SLC16A2: variants seen among roughly 807,000 people sequenced by gnomAD.
SLC16A2 encodes the protein monocarboxylate transporter 8.
Under a neutral mutation model 27.2 loss-of-function variants are expected in SLC16A2, and 3 were observed. The observed-to-expected ratio is 0.11, with a 90% confidence interval of 0.05 to 0.28. The LOEUF (loss-of-function observed/expected upper bound fraction) is 0.28. Among genes scored for constraint, SLC16A2 ranks in the 10% least tolerant of loss-of-function variants. The pLI, the probability that SLC16A2 is intolerant of heterozygous loss-of-function variation, is 1.00. For missense variants in SLC16A2, 295 were observed against 458.5 expected (o/e 0.64, Z 3.26); for synonymous variants, 202 against 187.8 (o/e 1.08, Z -0.62).
intron 1 of SLC16A2, among the ~76,000 whole-genome samples, chrX:74,456,254 G>C (rs1355046754): frequency 2.7e-5 from 3 of 111,501 alleles, no homozygotes; most frequent in Non-Finnish European, 5.7e-5. Flanking sequence ...CCTTGCGATT[G>C]GGCAGCTAGC....
chrX:74,524,267 C>T (rs183605590), intron 2 of SLC16A2, 92 bp from the exon 3 acceptor site: 91 of 943,743 alleles, frequency 9.6e-5, no homozygotes, highest in African/African-American at 5.4e-4. Flanking sequence ...GGGTTAAGGG[C>T]GGAGGAATGG....
chrX:74,426,325 C>T (rs1261390150), intron 1 of SLC16A2, among the ~76,000 whole-genome samples: 1 of 111,951 alleles, frequency 8.9e-6, no homozygotes, highest in East Asian at 2.8e-4. Flanking sequence ...TCCCCTGCCC[C>T]CTTTCCAACC....
At chrX:74,454,805 G>T (rs759805350) in intron 1 of SLC16A2, among the ~76,000 whole-genome samples, 2 of 111,165 alleles carry the variant, frequency 1.8e-5, no homozygotes, top group Non-Finnish European at 3.8e-5. Context: ...GTCTTTCATG[G>T]CCCAACTTAA....
Position 74,421,850 on chromosome X carries a change from C to T in SLC16A2, c.213C>T (p.Ser71=). Residue 71 remains serine (S), a synonymous_variant, in exon 1 of 6, where the codon TCC becomes TCT. Transcript: ENST00000587091. The stretch of plus-strand genomic sequence containing the variant: ...CCCTGCCGGAGCTGGAGTTCGAGTC[C>T]GAGCGGGTGCACGAACCCGAGCCCA... ...PAPLPELEFE[S]ERVHEPEPTP... The T allele has an allele frequency of 8.3e-7, 1 of 1,204,262 alleles. No homozygotes were observed. The highest frequency in any genetic ancestry group is 1.8e-5 in the South Asian group (1 of 55,978).
intron 1 of SLC16A2, among the ~76,000 whole-genome samples, chrX:74,468,749 GCA>G (rs2147851466): frequency 8.9e-6 from 1 of 111,846 alleles, no homozygotes; most frequent in African/African-American, 3.2e-5. Context: ...TTTGACATAA[GCA>G]TACAATCTTA....
intron 1 of SLC16A2, among the ~76,000 whole-genome samples, chrX:74,447,348 G>A (rs189074571): frequency 2.7e-5 from 3 of 111,757 alleles, no homozygotes; most frequent in Admixed American, 9.5e-5. Flanking sequence ...GTACCCAGAC[G>A]TAAGTCATAT....
chrX:74,428,182 G>A lies in SLC16A2; in HGVS notation c.430+6115G>A, dbSNP rs148647343. Among the ~76,000 whole-genome samples the A allele has an allele frequency of 1.4e-3, 151 of 111,195 alleles. 1 individual carries two copies. The East Asian group carries it at 0.025, about 18-fold the overall frequency. On this transcript the variant is annotated intron_variant, in intron 1 of 5. Coordinates refer to ENST00000587091, the MANE Select transcript of SLC16A2 (RefSeq NM_006517.5). Reference sequence around the variant, plus strand: ...CAACCCCAGCTCTCTCTGGCTTTAGGGGTGACAGAAGACTAAACCTAGAGA... The same window carrying A: ...CAACCCCAGCTCTCTCTGGCTTTAGAGGTGACAGAAGACTAAACCTAGAGA...
At chrX:74,510,089 G>C (rs763484423) in intron 1 of SLC16A2, among the ~76,000 whole-genome samples, 95 of 111,943 alleles carry the variant, frequency 8.5e-4, no homozygotes, top group Middle Eastern at 4.6e-3. Context: ...TAAATGTTTG[G>C]AATTCACAAT....
At chrX:74,436,973 A>G (rs1305000551) in intron 1 of SLC16A2, among the ~76,000 whole-genome samples, 1 of 112,359 alleles carries the variant, frequency 8.9e-6, no homozygotes, top group Non-Finnish European at 1.9e-5. Flanking sequence ...TCATCCATCT[A>G]TTGGATAATC....
intron 1 of SLC16A2, among the ~76,000 whole-genome samples, chrX:74,517,735 G>A (rs1930338071): frequency 1.8e-5 from 2 of 111,621 alleles, no homozygotes; most frequent in South Asian, 7.5e-4. Context: ...AGAGACTCAA[G>A]ATGAAACTTG....
At chrX:74,516,873 A>G (rs1305079626) in intron 1 of SLC16A2, among the ~76,000 whole-genome samples, 1 of 112,275 alleles carries the variant, frequency 8.9e-6, no homozygotes, top group African/African-American at 3.2e-5. Flanking sequence ...TATGCTGTCT[A>G]TAAGAAACTC....
chrX:74,452,154 G>C lies in SLC16A2; in HGVS notation c.430+30087G>C, dbSNP rs370572772. Among the ~76,000 whole-genome samples the C allele has an allele frequency of 3.6e-5, 4 of 112,491 alleles. No individual in the cohort carries two copies. The South Asian group carries it at 1.5e-3, about 42-fold the overall frequency. ...CAGACTGGACATGCATGGAGGCTGGGTCAGCCAGTTTCCACCACACTTCCA... is the reference window on the plus strand; with the variant it reads ...CAGACTGGACATGCATGGAGGCTGGCTCAGCCAGTTTCCACCACACTTCCA... On this transcript the variant is annotated intron_variant, in intron 1 of 5. Coordinates refer to ENST00000587091, the MANE Select transcript of SLC16A2 (RefSeq NM_006517.5).
intron 1 of SLC16A2, among the ~76,000 whole-genome samples, chrX:74,479,290 T>G (rs1288012394): frequency 8.9e-6 from 1 of 112,475 alleles, no homozygotes; most frequent in Non-Finnish European, 1.9e-5. Context: ...TACTGAGGCT[T>G]GTGCATTCAT....
chrX:74,438,765 A>G (rs1255961744), intron 1 of SLC16A2, among the ~76,000 whole-genome samples: 1 of 111,553 alleles, frequency 9.0e-6, no homozygotes, highest in East Asian at 2.8e-4. Flanking sequence ...CTTGATACTG[A>G]TAATGTCCCT....
intron 3 of SLC16A2, among the ~76,000 whole-genome samples, chrX:74,525,249 A>G (rs980922949): frequency 1.8e-5 from 2 of 112,084 alleles, no homozygotes; most frequent in African/African-American, 6.5e-5. Flanking sequence ...ATTGTAGGAA[A>G]GAAACCCATT....
At chrX:74,524,227 G>A in intron 2 of SLC16A2, 132 bp from the exon 3 acceptor site, 1 of 639,512 alleles carries the variant, frequency 1.6e-6, no homozygotes, top group Non-Finnish European at 2.5e-6. Context: ...TTCTTTGTCT[G>A]TTCTGAGGGT....
rs1413298522 is a variant in SLC16A2 at position 74,533,626 on chromosome X, T to A, written c.*2073T>A. On this transcript the variant is annotated 3_prime_UTR_variant, in exon 6 of 6. Coordinates refer to ENST00000587091, the MANE Select transcript of SLC16A2 (RefSeq NM_006517.5). ...AGAATCAGGCAGTCGCCCACTTCTCTCCAGATGAAGGGAAGACATTCATAG... is the reference window on the plus strand; with the variant it reads ...AGAATCAGGCAGTCGCCCACTTCTCACCAGATGAAGGGAAGACATTCATAG... 1 of 112,726 alleles carries A rather than the reference T, an allele frequency of 8.9e-6. No individual in the cohort carries two copies. Among genetic ancestry groups the A allele is most frequent in the Non-Finnish European group, 1.9e-5 (1 of 53,286 alleles). 9.3% of individuals were successfully genotyped at this position (112,726 alleles called of 1,213,427 possible).
chrX:74,480,132 C>T (rs1417555160), intron 1 of SLC16A2, among the ~76,000 whole-genome samples: 4 of 112,196 alleles, frequency 3.6e-5, no homozygotes, highest in African/African-American at 1.3e-4. Context: ...GGGCTCCACC[C>T]AGTTTGAGCT....
At chrX:74,439,184 CTTTT>C (rs780624452) in intron 1 of SLC16A2, among the ~76,000 whole-genome samples, 2 of 58,907 alleles carry the variant, frequency 3.4e-5, no homozygotes, top group African/African-American at 2.0e-4. Flanking sequence ...TTCTTTCTTT[CTTTT>C]TCTTTCTTTC....
Sources: gnomAD v4.1 joint callset for allele counts (sites outside exome capture counted in the v4.1 genomes callset) on GRCh38, gnomAD v4.1.1 for gene constraint, MANE v1.5 for transcripts, NCBI Gene and HGNC (gene_info 2026-07-23, HGNC 2026-07-21) for gene names.